SLC38A10: variants seen among roughly 807,000 people sequenced by gnomAD.
SLC38A10 encodes the protein Sodium-coupled neutral amino acid transporter 10.
Under a neutral mutation model 81.0 loss-of-function variants are expected in SLC38A10, and 53 were observed. That is an observed-to-expected ratio of 0.65 (90% CI 0.53 to 0.82). The LOEUF is 0.82. SLC38A10 is among the 40% of genes least tolerant of loss of function. The probability of loss-of-function intolerance (pLI) is 0.00; values close to 1 mark genes in which losing one functional copy is unlikely to be tolerated. For missense variants in SLC38A10, 1,471 were observed against 1,545.0 expected, an observed-to-expected ratio of 0.95 and a Z score of 0.80; for synonymous variants, 665 against 655.3, an observed-to-expected ratio of 1.01 and a Z score of -0.23.
chr17:81,252,546 G>T lies in SLC38A10; in HGVS notation c.1594C>A (p.Pro532Thr). ...GGCGCCATCTGGCCCTGGACCCCTG[G>T]AGCCTTTCCGCCCGCGTGTCTGGAT... ...PPSRHAGGKA[P>T]GVQGQMAPPL... Residue 532 changes from proline to threonine, a missense_variant, in exon 13 of 16, where the codon CCA becomes ACA. Around this residue, in one of 2 missense-constraint regions of SLC38A10, gnomAD observed 720 missense variants for 827.7 expected, o/e 0.87. Coordinates refer to ENST00000374759, the MANE Select transcript of SLC38A10 (RefSeq NM_001037984.3). 6.2e-7 allele frequency: 1 copy of T among 1,613,390 alleles called. No homozygotes were observed.
Position 81,286,696 on chromosome 17 carries a change from T to C in SLC38A10, c.218-1801A>G, listed in dbSNP as rs2063270258. On this transcript the variant is annotated intron_variant, in intron 2 of 15. Coordinates refer to ENST00000374759, the MANE Select transcript of SLC38A10 (RefSeq NM_001037984.3). This position sits in a 1 kb window ranked among gnomAD's most constrained non-coding sequence, Gnocchi z 6.0. ...GCGAGCTCTGAGGGCGCGGCCTCCA[T>C]GCAGGGTGTACCCTACCCCAGGTGC... Among the ~76,000 whole-genome samples the C allele has an allele frequency of 6.6e-6, 1 of 152,112 alleles. No individual in the cohort carries two copies. Among genetic ancestry groups the C allele is most frequent in the Non-Finnish European group, 1.5e-5 (1 of 68,004 alleles).
chr17:81,252,271 C>T lies in SLC38A10; in HGVS notation c.1869G>A (p.Gly623=). 1.2e-6 allele frequency: 2 copies of T among 1,604,152 alleles called. No individual in the cohort carries two copies. Among genetic ancestry groups the T allele is most frequent in the African/African-American group, 2.7e-5 (2 of 74,734 alleles). ...GCGGCGGTCCCCCCTTGGCCTTTTC[C>T]CCTCCACCCACCGCCAGGCCGTTCT... ...EQQNGLAVGG[G]EKAKGGPPPG... The change falls in exon 13 of 16, where the codon GGG becomes GGA. Residue 623 remains glycine, a synonymous_variant. Transcript: ENST00000374759.
chr17:81,264,769 G>A (rs984973317), intron 10 of SLC38A10: 7 of 152,240 alleles, frequency 4.6e-5, no homozygotes, highest in African/African-American at 7.2e-5. Context: ...GCAAGGCCCC[G>A]AGCCTCAGCA....
rs772463163 is a variant in SLC38A10 at position 81,245,949 on chromosome 17, G to C, written c.2967C>G (p.Arg989=). 3 of 1,606,046 alleles carry C rather than the reference G, an allele frequency of 1.9e-6. No individual in the cohort carries two copies. In the South Asian group the frequency reaches 3.3e-5, roughly 18 times the overall value. ...GGGACACAGGCACATGGTCCCCCCCGCGGGCCTTTCTCATCTCCAGGTGAC... is the reference window on the plus strand; with the variant it reads ...GGGACACAGGCACATGGTCCCCCCCCCGGGCCTTTCTCATCTCCAGGTGAC... ...HGGHLEMRKA[R]GGDHVPVSHE... is the part of the protein sequence containing the mutation. The change falls in exon 16 of 16, where the codon CGC becomes CGG. Residue 989 remains arginine, a synonymous_variant. Coordinates refer to ENST00000374759, the MANE Select transcript of SLC38A10 (RefSeq NM_001037984.3).
Position 81,289,869 on chromosome 17 carries a change from C to T in SLC38A10, c.100-61G>A. 1 of 1,378,722 alleles carries T rather than the reference C, an allele frequency of 7.3e-7. No homozygotes were observed. Among genetic ancestry groups the T allele is most frequent in the Non-Finnish European group, 9.8e-7 (1 of 1,017,474 alleles). 85.4% of individuals were successfully genotyped at this position (1,378,722 alleles called of 1,614,324 possible). A position where few individuals can be genotyped will look rare whatever the true frequency, so the allele number is the denominator to read the frequency against. On this transcript the variant is annotated intron_variant, in intron 1 of 15. Transcript: ENST00000374759. The surrounding 1 kb of genome is among the most constrained non-coding windows in gnomAD (Gnocchi z 5.9). ...GCAGGTGCTCCCCAGAGGCCCTCAC[C>T]CCACACACGCGGCTCATGAGGACCC...
Position 81,253,234 on chromosome 17 carries a change from T to C in SLC38A10, c.1295A>G (p.Asp432Gly), listed in dbSNP as rs370538679. The C allele has an allele frequency of 1.1e-5, 17 of 1,613,594 alleles. No homozygotes were observed. Among genetic ancestry groups the C allele is most frequent in the African/African-American group, 2.7e-5 (2 of 75,042 alleles). The change falls in exon 12 of 16, where the codon GAT (aspartate) becomes GGT (glycine). Residue 432 changes from aspartate to glycine, a missense_variant. Asp to Gly is a moderately conservative substitution (Grantham distance 94, BLOSUM62 -1). Coordinates refer to ENST00000374759, the MANE Select transcript of SLC38A10 (RefSeq NM_001037984.3). The surrounding 1 kb of genome is among the most constrained non-coding windows in gnomAD (Gnocchi z 4.1). ...ATCCTCAGCCACGGCCACAACCGGA[T>C]CCTGGGCTGGGAGCAGGGCACAGTT... ...KVEAARLSAQ[D>G]PVVAVAEDGR...
chr17:81,261,234 G>A (rs1020550326), intron 10 of SLC38A10, among the ~76,000 whole-genome samples: 9 of 151,956 alleles, frequency 5.9e-5, no homozygotes, highest in South Asian at 2.1e-4. Context: ...CCCGGCTCCC[G>A]CCACCCCGGC....
chr17:81,264,923 C>T (rs1438041187), intron 10 of SLC38A10: 2 of 152,226 alleles, frequency 1.3e-5, no homozygotes, highest in Admixed American at 6.5e-5. Flanking sequence ...TGGGCGCACC[C>T]GTGAGGCAGC....
chr17:81,290,112 CACCCT>C (rs2063299099), intron 1 of SLC38A10, among the ~76,000 whole-genome samples: 1 of 152,226 alleles, frequency 6.6e-6, no homozygotes, highest in Admixed American at 6.5e-5. Flanking sequence ...TCTCTGCACA[CACCCT>C]ACATGCACCA....
chr17:81,277,180 C>A lies in SLC38A10; in HGVS notation c.627-47G>T. On this transcript the variant is annotated intron_variant, in intron 6 of 15. Coordinates refer to ENST00000374759, the MANE Select transcript of SLC38A10 (RefSeq NM_001037984.3). This position sits in a 1 kb window ranked among gnomAD's most constrained non-coding sequence, Gnocchi z 4.5. ...CACAGCGGACCTGAGAGAGGCACGC[C>A]CTCCCCAGCGGCTCCACTTCTAGGA... The A allele has an allele frequency of 6.4e-7, 1 of 1,567,400 alleles. No individual in the cohort carries two copies. The highest frequency in any genetic ancestry group is 1.1e-5 in the South Asian group (1 of 89,620).
chr17:81,291,160 T>C (rs968187416), intron 1 of SLC38A10, among the ~76,000 whole-genome samples: 4 of 151,976 alleles, frequency 2.6e-5, no homozygotes, highest in Non-Finnish European at 1.5e-5. Flanking sequence ...TTCCAGTCTG[T>C]TGTTCTGTAG....
At position 81,276,152 on chromosome 17, in the gene SLC38A10, CT is replaced by C; in HGVS notation, c.730-2del. The C allele has an allele frequency of 6.2e-7, 1 of 1,608,260 alleles. No homozygotes were observed. The highest frequency in any genetic ancestry group is 1.1e-5 in the South Asian group (1 of 90,686). On this transcript the variant is annotated splice_acceptor_variant, in intron 7 of 15. Transcript: ENST00000374759. LOFTEE classifies it high-confidence loss of function. The surrounding 1 kb of genome is among the most constrained non-coding windows in gnomAD (Gnocchi z 4.7). ...AGCTGACGTAGCCGAAAAACCCCAC[CT>C]GTTGGAGAATAAGAAATGGCAACGT...
chr17:81,280,762 G>C, intron 5 of SLC38A10, 29 bp from the exon 6 acceptor site: 2 of 1,597,572 alleles, frequency 1.3e-6, no homozygotes, highest in African/African-American at 1.3e-5. Context: ...GAGAGCACGG[G>C]GCAGGTCAGG....
intron 14 of SLC38A10, chr17:81,247,303 T>C (rs2062861543): frequency 2.5e-6 from 1 of 395,946 alleles, no homozygotes; most frequent in African/African-American, 2.0e-5. Context: ...CCACCCGGGA[T>C]GGCCTCTCCC....
intron 10 of SLC38A10, among the ~76,000 whole-genome samples, chr17:81,261,835 G>A (rs948973130): frequency 6.6e-6 from 1 of 152,234 alleles, no homozygotes; most frequent in South Asian, 2.1e-4. Flanking sequence ...CGGAGCAAGC[G>A]GTGACGGCAG....
intron 4 of SLC38A10, among the ~76,000 whole-genome samples, chr17:81,282,823 A>C (rs983207780): frequency 6.6e-6 from 1 of 152,186 alleles, no homozygotes; most frequent in Non-Finnish European, 1.5e-5. Flanking sequence ...AATCTGGTAC[A>C]TTCCACTCCT....
rs1332735267 is a variant in SLC38A10, at chr17:81,286,688, G to A, written c.218-1793C>T. ...TGTGAGCGGCGAGCTCTGAGGGCGC[G>A]GCCTCCATGCAGGGTGTACCCTACC... On this transcript the variant is annotated intron_variant, in intron 2 of 15. Coordinates refer to ENST00000374759, the MANE Select transcript of SLC38A10 (RefSeq NM_001037984.3). The surrounding 1 kb of genome is among the most constrained non-coding windows in gnomAD (Gnocchi z 6.0). Among the ~76,000 whole-genome samples the A allele has an allele frequency of 6.6e-6, 1 of 152,146 alleles. No homozygotes were observed. The highest frequency in any genetic ancestry group is 2.1e-4 in the South Asian group (1 of 4,816).
At chr17:81,280,246 A>G in intron 6 of SLC38A10, 1 of 433,280 alleles carries the variant, frequency 2.3e-6, no homozygotes. Flanking sequence ...TGTTTGTGCC[A>G]TTTCCTTTTA....
chr17:81,249,361 AGGAG>A (rs2062885987), intron 14 of SLC38A10, among the ~76,000 whole-genome samples: 1 of 1,568 alleles, frequency 6.4e-4, no homozygotes, highest in East Asian at 0.026. Flanking sequence ...GAAGAGGAGG[AGGAG>A]GGAGGGAAGA....
Sources: gnomAD v4.1 joint callset for allele counts (sites outside exome capture counted in the v4.1 genomes callset) on GRCh38, gnomAD v4.1.1 for gene constraint, gnomAD v4.1.1 regional missense constraint, Gnocchi (gnomAD v3.1) non-coding constraint, MANE v1.5 for transcripts, NCBI Gene and HGNC (gene_info 2026-07-23, HGNC 2026-07-21) for gene names.